VPS13B: variants seen among roughly 807,000 people sequenced by gnomAD.
The protein encoded by VPS13B is vacuolar protein sorting 13 homolog B.
VPS13B carries 285 observed loss-of-function variants against 426.4 expected under a neutral mutation model. That is an observed-to-expected ratio of 0.67 (90% confidence interval 0.61 to 0.74). The LOEUF (loss-of-function observed/expected upper bound fraction) is 0.74, where lower values mean the gene tolerates loss of function less well. Among genes scored for constraint, VPS13B ranks in the 30% least tolerant of loss-of-function variants. VPS13B has a pLI of 0.00. For synonymous variants in VPS13B, 1,676 were observed against 1,676.4 expected (o/e 1.00, Z 0.01); for missense variants, 4,537 against 4,782.6 (o/e 0.95, Z 1.51).
At chr8:99,539,198 T>A (rs936113027) in intron 30 of VPS13B, among the ~76,000 whole-genome samples, 2 of 152,196 alleles carry the variant, frequency 1.3e-5, no homozygotes, top group Non-Finnish European at 2.9e-5. Context: ...CTGAGGCCTT[T>A]CACCATTAAT....
chr8:99,149,789 TG>T (rs1032180093), intron 14 of VPS13B, among the ~76,000 whole-genome samples: 2 of 152,270 alleles, frequency 1.3e-5, no homozygotes, highest in African/African-American at 4.8e-5. Flanking sequence ...CTCCGCCTCC[TG>T]TGAGATCAGC....
At chr8:99,211,320 C>A (rs2132796203) in intron 17 of VPS13B, among the ~76,000 whole-genome samples, 1 of 152,256 alleles carries the variant, frequency 6.6e-6, no homozygotes, top group East Asian at 1.9e-4. Context: ...TGGCTGAATT[C>A]TTGCCGACTT....
chr8:99,319,551 A>G (rs3103711), intron 19 of VPS13B, among the ~76,000 whole-genome samples: 125,718 of 152,140 alleles, frequency 0.83, 52,461 homozygotes, highest in South Asian at 0.89. Context: ...ATTGTTTTGG[A>G]CATTGAACAA....
intron 53 of VPS13B, 79 bp from the exon 54 acceptor site, chr8:99,835,460 C>T: frequency 6.5e-7 from 1 of 1,534,370 alleles, no homozygotes; most frequent in Admixed American, 1.7e-5. Flanking sequence ...TGAGAAGTTT[C>T]TTTTGCCACA....
intron 19 of VPS13B, among the ~76,000 whole-genome samples, chr8:99,312,593 C>A (rs532289279): frequency 3.8e-4 from 58 of 152,302 alleles, no homozygotes; most frequent in Admixed American, 2.7e-3. Context: ...TCTCTGGCTG[C>A]CCTTAACATT....
intron 30 of VPS13B, among the ~76,000 whole-genome samples, chr8:99,530,478 G>A (rs2133693162): frequency 6.6e-6 from 1 of 152,174 alleles, no homozygotes; most frequent in Non-Finnish European, 1.5e-5. Flanking sequence ...AGCAGGCATG[G>A]TGGCTGGCGC....
chr8:99,233,840 G>A (rs1816493170), intron 17 of VPS13B: 1 of 779,204 alleles, frequency 1.3e-6, no homozygotes, highest in Non-Finnish European at 2.4e-6. Context: ...GGCTAGTTTG[G>A]TCTCATCTGC....
intron 30 of VPS13B, among the ~76,000 whole-genome samples, chr8:99,542,059 T>C (rs1467091978): frequency 6.6e-6 from 1 of 152,100 alleles, no homozygotes; most frequent in Non-Finnish European, 1.5e-5. Context: ...GTACCTTCAT[T>C]ATTGTATTTT....
At chr8:99,819,073 TTC>T (rs2130814871) in intron 47 of VPS13B, among the ~76,000 whole-genome samples, 185 bp downstream of exon 47, 1 of 152,174 alleles carries the variant, frequency 6.6e-6, no homozygotes, top group East Asian at 1.9e-4. Flanking sequence ...GGATCTCTTA[TTC>T]TCATCTGTAG....
At chr8:99,703,484 T>A (rs1832368449) in intron 36 of VPS13B, among the ~76,000 whole-genome samples, 1 of 152,190 alleles carries the variant, frequency 6.6e-6, no homozygotes, top group Admixed American at 6.5e-5. Context: ...TGGTGTATAA[T>A]ATTGCTGAAA....
chr8:99,266,881 TA>T (rs1321950817), intron 17 of VPS13B, among the ~76,000 whole-genome samples: 1 of 152,204 alleles, frequency 6.6e-6, no homozygotes, highest in Non-Finnish European at 1.5e-5. Flanking sequence ...CTTTTCTTTA[TA>T]AATTACCCAG....
intron 3 of VPS13B, among the ~76,000 whole-genome samples, chr8:99,087,893 A>G (rs1380805539): frequency 6.6e-6 from 1 of 151,942 alleles, no homozygotes; most frequent in Admixed American, 6.6e-5. Flanking sequence ...TCAAAAATTG[A>G]ATTTATTAGG....
intron 35 of VPS13B, among the ~76,000 whole-genome samples, chr8:99,683,163 T>C (rs1467250891): frequency 6.6e-6 from 1 of 152,204 alleles, no homozygotes; most frequent in Non-Finnish European, 1.5e-5. Context: ...AATCAACTAA[T>C]AATTCTTTGG....
intron 19 of VPS13B, among the ~76,000 whole-genome samples, chr8:99,292,577 C>T (rs887302226): frequency 6.6e-6 from 1 of 152,136 alleles, no homozygotes; most frequent in South Asian, 2.1e-4. Flanking sequence ...CTGAAAAGAT[C>T]ATGTTTAGAT....
chr8:99,191,015 A>G (rs1190866413), intron 16 of VPS13B, among the ~76,000 whole-genome samples: 1 of 151,958 alleles, frequency 6.6e-6, no homozygotes, highest in Non-Finnish European at 1.5e-5. Context: ...GTCATAAAAA[A>G]GCTCTTTTGC....
Position 99,672,105 on chromosome 8 carries a change from G to A in VPS13B, c.6046+10614G>A, listed in dbSNP as rs151249984. Among the ~76,000 whole-genome samples, 950 of 152,112 alleles carry A rather than the reference G, an allele frequency of 6.2e-3. 8 individuals are homozygous for A. Among genetic ancestry groups the A allele is most frequent in the African/African-American group, 0.021 (892 of 41,516 alleles). ...CTCAAGATTGCTTTGGTTATTCAGGGTCTTTTATGGTTCCACATAAATTTC... is the reference window on the plus strand; with the variant it reads ...CTCAAGATTGCTTTGGTTATTCAGGATCTTTTATGGTTCCACATAAATTTC... On this transcript the variant is annotated intron_variant, in intron 35 of 61. Transcript: ENST00000357162.
At chr8:99,824,396 G>A (rs148742999) in intron 51 of VPS13B, among the ~76,000 whole-genome samples, 9 of 152,340 alleles carry the variant, frequency 5.9e-5, no homozygotes, top group Non-Finnish European at 1.2e-4. Context: ...CTGAGCCGTG[G>A]ATCTGCGAGC....
intron 55 of VPS13B, 120 bp from the exon 56 acceptor site, chr8:99,853,331 C>T: frequency 9.9e-7 from 1 of 1,014,236 alleles, no homozygotes; most frequent in Admixed American, 2.3e-5. Context: ...TTATTTGTTT[C>T]TTATGAGAAT....
intron 33 of VPS13B, among the ~76,000 whole-genome samples, chr8:99,640,757 G>A (rs1829325856): frequency 6.6e-6 from 1 of 152,144 alleles, no homozygotes; most frequent in South Asian, 2.1e-4. Flanking sequence ...CAACATTTGA[G>A]TTATCAATTT....
Sources: gnomAD v4.1 joint callset for allele counts (sites outside exome capture counted in the v4.1 genomes callset) on GRCh38, gnomAD v4.1.1 for gene constraint, MANE v1.5 for transcripts, NCBI Gene and HGNC (gene_info 2026-07-23, HGNC 2026-07-21) for gene names.